The following BTBD9 variants were observed in gnomAD, a reference collection of about 807,000 sequenced individuals.
The protein encoded by BTBD9 is BTB domain containing 9.
A neutral mutation model predicts 64.3 loss-of-function variants in BTBD9; 49 were observed. The observed-to-expected ratio is 0.76, with a 90% CI of 0.61 to 0.97. BTBD9 has a LOEUF of 0.97. Ranked by LOEUF, BTBD9 falls within the 50% of genes least tolerant of loss-of-function variation. The pLI is 0.00. For synonymous variants in BTBD9, 260 were observed against 274.7 expected (o/e 0.95, Z 0.53); for missense variants, 598 against 762.1 (o/e 0.78, Z 2.53).
chr6:38,227,995 A>G (rs764826723), intron 9 of BTBD9, among the ~76,000 whole-genome samples: 30 of 152,208 alleles, frequency 2.0e-4, no homozygotes, highest in Non-Finnish European at 4.3e-4. Flanking sequence ...TAAGTGGAGC[A>G]CACACTCTGT....
chr6:38,379,072 T>C (rs1765817521), intron 6 of BTBD9, among the ~76,000 whole-genome samples: 1 of 152,042 alleles, frequency 6.6e-6, no homozygotes, highest in African/African-American at 2.4e-5. Context: ...CCAAGATATA[T>C]GATCACTCTA....
intron 7 of BTBD9, among the ~76,000 whole-genome samples, chr6:38,290,586 C>T (rs372617960): frequency 4.6e-5 from 7 of 152,236 alleles, no homozygotes; most frequent in African/African-American, 1.4e-4. Context: ...GGAGGCTCTG[C>T]TCATTGTATC....
intron 6 of BTBD9, among the ~76,000 whole-genome samples, chr6:38,387,370 C>G (rs529281036): frequency 6.6e-6 from 1 of 152,234 alleles, no homozygotes; most frequent in Admixed American, 6.5e-5. Flanking sequence ...AACCCCGTCT[C>G]TACTAAAAAT....
chr6:38,394,335 T>C (rs931338160), intron 6 of BTBD9, among the ~76,000 whole-genome samples: 5 of 152,118 alleles, frequency 3.3e-5, no homozygotes, highest in Non-Finnish European at 4.4e-5. Flanking sequence ...GTAAAAAGAA[T>C]GCTTCTCACA....
At chr6:38,562,889 T>C (rs1775318047) in intron 6 of BTBD9, among the ~76,000 whole-genome samples, 1 of 152,164 alleles carries the variant, frequency 6.6e-6, no homozygotes, top group African/African-American at 2.4e-5. Context: ...AAAGTATACA[T>C]TTCCTTCTTT....
chr6:38,548,268 G>T (rs907247232), intron 6 of BTBD9, among the ~76,000 whole-genome samples: 16 of 152,102 alleles, frequency 1.1e-4, no homozygotes, highest in Non-Finnish European at 1.9e-4. Flanking sequence ...GATTTTCCAG[G>T]CTGAAACAAT....
intron 1 of BTBD9, among the ~76,000 whole-genome samples, chr6:38,622,305 C>T (rs1778013316): frequency 6.6e-6 from 1 of 152,180 alleles, no homozygotes; most frequent in Admixed American, 6.5e-5. Flanking sequence ...TATGTTAGTC[C>T]CTGTTGATAA....
intron 4 of BTBD9, among the ~76,000 whole-genome samples, chr6:38,583,245 C>T (rs1776372080): frequency 6.6e-6 from 1 of 152,150 alleles, no homozygotes; most frequent in Non-Finnish European, 1.5e-5. Flanking sequence ...TGCCTATAAT[C>T]CCAGCAGTCT....
At chr6:38,574,836 G>A (rs1270278940) in intron 6 of BTBD9, among the ~76,000 whole-genome samples, 1 of 151,770 alleles carries the variant, frequency 6.6e-6, no homozygotes, top group Non-Finnish European at 1.5e-5. Flanking sequence ...TTTGAGAAGA[G>A]TTCGACCTAA....
At chr6:38,594,449 T>C (rs976261566) in intron 2 of BTBD9, 122 bp from the exon 3 acceptor site, 1 of 1,209,806 alleles carries the variant, frequency 8.3e-7, no homozygotes, top group Admixed American at 3.1e-5. Flanking sequence ...AAGATCCAAG[T>C]GAAAAAATGC....
chr6:38,279,373 T>C (rs1372146788), intron 8 of BTBD9, among the ~76,000 whole-genome samples: 1 of 152,056 alleles, frequency 6.6e-6, no homozygotes, highest in Non-Finnish European at 1.5e-5. Flanking sequence ...GAGTCTCTGA[T>C]TTAAGGGTAC....
intron 6 of BTBD9, among the ~76,000 whole-genome samples, chr6:38,445,325 A>T (rs1769224740): frequency 6.6e-6 from 1 of 152,212 alleles, no homozygotes; most frequent in Non-Finnish European, 1.5e-5. Context: ...CCTTGATAGG[A>T]TTCTTTGGTC....
intron 9 of BTBD9, among the ~76,000 whole-genome samples, chr6:38,206,465 T>A (rs1762656456): frequency 6.6e-6 from 1 of 151,848 alleles, no homozygotes; most frequent in Admixed American, 6.6e-5. Flanking sequence ...GGTCTTGAAC[T>A]CCTGACCTCA....
At chr6:38,454,563 G>GAC (rs1769710352) in intron 6 of BTBD9, among the ~76,000 whole-genome samples, 1 of 150,526 alleles carries the variant, frequency 6.6e-6, no homozygotes, top group South Asian at 2.1e-4. Context: ...TTAGGAGGCC[G>GAC]ACACATGAGG....
chr6:38,298,433 T>C (rs549652488), intron 7 of BTBD9, among the ~76,000 whole-genome samples: 2 of 152,326 alleles, frequency 1.3e-5, no homozygotes, highest in East Asian at 3.9e-4. Context: ...TTTTATTACA[T>C]GCATAGAATG....
chr6:38,502,329 T>C (rs1317595751), intron 6 of BTBD9, among the ~76,000 whole-genome samples: 1 of 152,168 alleles, frequency 6.6e-6, no homozygotes, highest in East Asian at 1.9e-4. Context: ...TATGAGTACA[T>C]TTTTTTTCCA....
chr6:38,232,665 C>CTTT (rs762881748), intron 9 of BTBD9, among the ~76,000 whole-genome samples: 3 of 141,450 alleles, frequency 2.1e-5, no homozygotes, highest in East Asian at 4.1e-4. Context: ...CCTTTCGCAA[C>CTTT]TTTTTTTTTT....
At chr6:38,201,264 C>G (rs1762452615) in intron 9 of BTBD9, among the ~76,000 whole-genome samples, 1 of 152,122 alleles carries the variant, frequency 6.6e-6, no homozygotes, top group Non-Finnish European at 1.5e-5. Context: ...TGGGATCTAA[C>G]CCAGGGATGC....
intron 1 of BTBD9, among the ~76,000 whole-genome samples, chr6:38,618,526 C>G (rs961110272): frequency 6.6e-6 from 1 of 152,172 alleles, no homozygotes; most frequent in Non-Finnish European, 1.5e-5. Flanking sequence ...TCTAATCTCC[C>G]CCACCCAGAA....
Sources: gnomAD v4.1 joint callset for allele counts (sites outside exome capture counted in the v4.1 genomes callset) on GRCh38, gnomAD v4.1.1 for gene constraint, MANE v1.5 for transcripts, NCBI Gene and HGNC (gene_info 2026-07-23, HGNC 2026-07-21) for gene names.